The following PTPRT variants were observed in gnomAD, a reference collection of about 807,000 sequenced individuals.
PTPRT encodes the protein receptor-type tyrosine-protein phosphatase T.
PTPRT carries 56 observed loss-of-function variants against 176.8 expected under a neutral mutation model. That is an observed-to-expected ratio of 0.32 (90% CI 0.26 to 0.40). The LOEUF (loss-of-function observed/expected upper bound fraction) is 0.40, where lower values mean the gene tolerates loss of function less well. Ranked by LOEUF, PTPRT falls within the 10% of genes least tolerant of loss-of-function variation. The pLI, the probability that PTPRT is intolerant of heterozygous loss-of-function variation, is 1.00. For missense variants in PTPRT, 1,540 were observed against 1,908.2 expected (o/e 0.81, Z 3.60); for synonymous variants, 783 against 739.0 (o/e 1.06, Z -0.96).
At chr20:42,992,560 A>T (rs921650420) in intron 1 of PTPRT, among the ~76,000 whole-genome samples, 3 of 152,198 alleles carry the variant, frequency 2.0e-5, no homozygotes, top group Non-Finnish European at 4.4e-5. Context: ...AAGACCAAAA[A>T]ACTCTTAGTG....
chr20:42,147,176 T>C (rs1221694362), intron 17 of PTPRT, among the ~76,000 whole-genome samples: 3 of 152,220 alleles, frequency 2.0e-5, no homozygotes, highest in African/African-American at 7.2e-5. Flanking sequence ...GCTGGCTCTA[T>C]ACTTCAGATG....
At chr20:42,767,125 G>C (rs2076993882) in intron 5 of PTPRT, among the ~76,000 whole-genome samples, 1 of 152,194 alleles carries the variant, frequency 6.6e-6, no homozygotes, top group Non-Finnish European at 1.5e-5. Flanking sequence ...GGTGGCAGGT[G>C]TGTTGATAGG....
chr20:43,101,045 G>A (rs2012375728), intron 1 of PTPRT, among the ~76,000 whole-genome samples: 1 of 152,098 alleles, frequency 6.6e-6, no homozygotes, highest in Admixed American at 6.6e-5. Flanking sequence ...CTGGTACAAA[G>A]AAACAAACAT....
At chr20:42,457,370 C>A (rs1482527926) in intron 8 of PTPRT, among the ~76,000 whole-genome samples, 1 of 152,154 alleles carries the variant, frequency 6.6e-6, no homozygotes, top group Non-Finnish European at 1.5e-5. Flanking sequence ...GATATTCTTA[C>A]TGAGCATGCG....
At chr20:42,491,009 C>T (rs1236764650) in intron 7 of PTPRT, among the ~76,000 whole-genome samples, 1 of 151,966 alleles carries the variant, frequency 6.6e-6, no homozygotes, top group Non-Finnish European at 1.5e-5. Flanking sequence ...GTATCAAATG[C>T]TTGTCTCAAG....
At chr20:42,606,331 C>A (rs1048804081) in intron 7 of PTPRT, among the ~76,000 whole-genome samples, 1 of 152,174 alleles carries the variant, frequency 6.6e-6, no homozygotes, top group Non-Finnish European at 1.5e-5. Context: ...GGGACCTCAG[C>A]AAAGCCAATC....
chr20:42,633,796 T>C (rs1439773677), intron 7 of PTPRT, among the ~76,000 whole-genome samples: 1 of 60,934 alleles, frequency 1.6e-5, no homozygotes, highest in Non-Finnish European at 2.9e-5. Flanking sequence ...TATATATATA[T>C]ATATATATAT....
chr20:42,984,119 T>C (rs1159763448), intron 1 of PTPRT, among the ~76,000 whole-genome samples: 1 of 152,232 alleles, frequency 6.6e-6, no homozygotes, highest in Non-Finnish European at 1.5e-5. Flanking sequence ...TTTATCCACA[T>C]GTGCACAAGC....
At chr20:42,111,189 A>C (rs955922313) in intron 22 of PTPRT, among the ~76,000 whole-genome samples, 1 of 152,180 alleles carries the variant, frequency 6.6e-6, no homozygotes, top group Non-Finnish European at 1.5e-5. Flanking sequence ...TTCCATGGCC[A>C]GGTCACACTT....
At chr20:42,049,886 G>A in the PTPRT span, among the ~76,000 whole-genome samples, 1 of 152,160 alleles carries the variant, frequency 6.6e-6, no homozygotes, top group Non-Finnish European at 1.5e-5. Context: ...TTGAGGGGAG[G>A]CAAGAGCAGA....
intron 9 of PTPRT, among the ~76,000 whole-genome samples, chr20:42,385,155 G>A (rs1157063392): frequency 2.6e-5 from 4 of 151,944 alleles, no homozygotes; most frequent in East Asian, 3.9e-4. Context: ...AAAAATCATC[G>A]CCCAGACCAA....
At chr20:42,381,410 C>A (rs969286852) in intron 9 of PTPRT, among the ~76,000 whole-genome samples, 1 of 152,202 alleles carries the variant, frequency 6.6e-6, no homozygotes, top group Non-Finnish European at 1.5e-5. Context: ...CAACGTTCAG[C>A]TTGGTGGCAG....
At chr20:43,162,857 T>A (rs1030896109) in intron 1 of PTPRT, among the ~76,000 whole-genome samples, 5 of 152,194 alleles carry the variant, frequency 3.3e-5, no homozygotes, top group Non-Finnish European at 7.3e-5. Context: ...CCAGAAACCA[T>A]CCCTGGCTCC....
At chr20:42,359,626 C>T (rs2058404345) in intron 9 of PTPRT, among the ~76,000 whole-genome samples, 1 of 152,218 alleles carries the variant, frequency 6.6e-6, no homozygotes, top group Non-Finnish European at 1.5e-5. Flanking sequence ...AAGCTTTAAG[C>T]GACTGAAGCT....
intron 13 of PTPRT, among the ~76,000 whole-genome samples, chr20:42,261,608 C>T (rs75056568): frequency 0.037 from 5,593 of 152,064 alleles, 333 homozygotes; most frequent in African/African-American, 0.13. Context: ...GGACAGGCAG[C>T]ATGTGGGAAG....
intron 7 of PTPRT, among the ~76,000 whole-genome samples, chr20:42,528,228 A>G (rs2072313552): frequency 1.3e-5 from 2 of 152,094 alleles, no homozygotes; most frequent in Admixed American, 6.5e-5. Context: ...CCCACCCTTC[A>G]GAACTCAGCT....
At chr20:43,182,718 C>T (rs921353580) in intron 1 of PTPRT, among the ~76,000 whole-genome samples, 2 of 152,132 alleles carry the variant, frequency 1.3e-5, no homozygotes, top group African/African-American at 4.8e-5. Flanking sequence ...CTTTTAAGAG[C>T]AGCGCTTGAA....
At chr20:42,049,878 G>A in the PTPRT span, among the ~76,000 whole-genome samples, 2 of 152,208 alleles carry the variant, frequency 1.3e-5, no homozygotes, top group Non-Finnish European at 2.9e-5. Context: ...TCTGCAAGTT[G>A]AGGGGAGGCA....
rs183535014 is a variant in PTPRT, at chr20:42,164,187, C to T, written c.2492-2645G>A. ...GGGGACAGTTGTCTTCAGAGACCCACAGTCTCCCAGAGGAACTTGGGGCAT... is the reference window on the plus strand; with the variant it reads ...GGGGACAGTTGTCTTCAGAGACCCATAGTCTCCCAGAGGAACTTGGGGCAT... On this transcript the variant is annotated intron_variant, in intron 16 of 30. Transcript: ENST00000373187. Among the ~76,000 whole-genome samples, 37 of 152,344 alleles carry T rather than the reference C, an allele frequency of 2.4e-4. 1 individual carries two copies. Among genetic ancestry groups the T allele is most frequent in the Middle Eastern group, 3.4e-3 (1 of 294 alleles).
Sources: allele counts gnomAD v4.1 joint callset (sites outside exome capture counted in the v4.1 genomes callset), GRCh38; gene constraint gnomAD v4.1.1; transcripts MANE v1.5; gene names NCBI Gene and HGNC (gene_info 2026-07-23, HGNC 2026-07-21).